Variants in GALNTL6 observed in about 807,000 individuals in gnomAD.
GALNTL6 encodes the protein polypeptide N-acetylgalactosaminyltransferase-like 6.
In GALNTL6, 46 loss-of-function variants were observed where a neutral mutation model predicts 73.7. The ratio of observed to expected loss-of-function variants is 0.62; its 90% CI spans 0.49 to 0.80. The LOEUF (loss-of-function observed/expected upper bound fraction) is 0.80. GALNTL6 is among the 30% of genes least tolerant of loss of function. The probability of loss-of-function intolerance (pLI) is 0.00; values close to 1 mark genes in which losing one functional copy is unlikely to be tolerated. For missense variants in GALNTL6, 604 were observed against 755.0 expected, an observed-to-expected ratio of 0.80 and a Z score of 2.34; for synonymous variants, 259 against 263.7, an observed-to-expected ratio of 0.98 and a Z score of 0.17.
At chr4:172,050,268 C>T (rs549513717) in intron 2 of GALNTL6, among the ~76,000 whole-genome samples, 1 of 152,232 alleles carries the variant, frequency 6.6e-6, no homozygotes, top group South Asian at 2.1e-4. Context: ...GCGGTTCAGG[C>T]TTTAGTCCCA....
At position 172,339,314 on chromosome 4, in the gene GALNTL6, C is replaced by CACACACACACAG. The variant is rs1254394266; in HGVS notation, c.387-9208_387-9207insCACACACACAGA. Reference sequence around the variant, plus strand: ...ACACACACACACACACACACACACACAGAGTTTCCAGGTCACCAAGTTGGT... The same window carrying CACACACACACAG: ...ACACACACACACACACACACACACACACACACACACAGAGAGTTTCCAGGTCACCAAGTTGGT... On this transcript the variant is annotated intron_variant, in intron 4 of 12. Coordinates refer to ENST00000506823, the MANE Select transcript of GALNTL6 (RefSeq NM_001034845.3). Among the ~76,000 whole-genome samples, 4 of 138,286 alleles carry CACACACACACAG rather than the reference C, an allele frequency of 2.9e-5. No homozygotes were observed. In the East Asian group the frequency reaches 8.5e-4, roughly 29 times the overall value. 90.7% of individuals were successfully genotyped at this position (138,286 alleles called of 152,430 possible). A position where few individuals can be genotyped will look rare whatever the true frequency, so the allele number is the denominator to read the frequency against.
At chr4:171,945,652 G>A (rs185251330) in intron 2 of GALNTL6, among the ~76,000 whole-genome samples, 1 of 151,964 alleles carries the variant, frequency 6.6e-6, no homozygotes, top group Non-Finnish European at 1.5e-5. Flanking sequence ...TAAAATAATA[G>A]CATGACATAC....
At position 172,753,903 on chromosome 4, in the gene GALNTL6, C is replaced by A. The variant is rs976494036; in HGVS notation, c.554-55458C>A. On this transcript the variant is annotated intron_variant, in intron 5 of 12. Transcript: ENST00000506823. ...AGGCCCTTAACTACAAAGATGCCCA[C>A]GAGCAGCTCTGCAGTGCTAATGAGA... Among the ~76,000 whole-genome samples the A allele has an allele frequency of 2.0e-5, 3 of 151,838 alleles. No individual in the cohort carries two copies. In the East Asian group the frequency reaches 5.8e-4, roughly 29 times the overall value.
chr4:172,102,987 A>G (rs115018937), intron 2 of GALNTL6, among the ~76,000 whole-genome samples: 5,103 of 152,260 alleles, frequency 0.034, 124 homozygotes, highest in Middle Eastern at 0.058. Flanking sequence ...CAGCAGAGGA[A>G]CCTGAAGAAG....
At chr4:171,854,958 C>T (rs554094394) in intron 2 of GALNTL6, among the ~76,000 whole-genome samples, 2 of 152,258 alleles carry the variant, frequency 1.3e-5, no homozygotes, top group East Asian at 1.9e-4. Flanking sequence ...CTAGCTGAGA[C>T]GACATCCTGG....
At chr4:172,377,138 A>T (rs1381028004) in intron 5 of GALNTL6, among the ~76,000 whole-genome samples, 1 of 152,074 alleles carries the variant, frequency 6.6e-6, no homozygotes, top group Admixed American at 6.6e-5. Context: ...CATCCTGTTG[A>T]TTGGTCCATT....
At chr4:172,730,010 T>G (rs1355288109) in intron 5 of GALNTL6, among the ~76,000 whole-genome samples, 2 of 152,164 alleles carry the variant, frequency 1.3e-5, no homozygotes, top group Non-Finnish European at 2.9e-5. Context: ...ATGGAATTAC[T>G]TTCATGATTT....
chr4:173,026,652 A>G (rs1753244728), intron 12 of GALNTL6, among the ~76,000 whole-genome samples: 1 of 152,128 alleles, frequency 6.6e-6, no homozygotes, highest in Admixed American at 6.5e-5. Context: ...GCCATTTTGG[A>G]TATCTTATTT....
intron 5 of GALNTL6, among the ~76,000 whole-genome samples, chr4:172,611,556 G>A (rs1293472412): frequency 6.6e-6 from 1 of 152,014 alleles, no homozygotes; most frequent in East Asian, 1.9e-4. Context: ...ACCTGTTGGA[G>A]TTTTCTTTGT....
chr4:172,704,260 G>T (rs1035741590), intron 5 of GALNTL6, among the ~76,000 whole-genome samples: 1 of 151,586 alleles, frequency 6.6e-6, no homozygotes, highest in African/African-American at 2.4e-5. Context: ...CGTTTTTCTA[G>T]TTTTTTGAGG....
In GALNTL6 at chr4:172,265,199, G is replaced by A. The variant is rs114359640; in HGVS notation, c.247+35435G>A. On this transcript the variant is annotated intron_variant, in intron 3 of 12. Transcript: ENST00000506823. ...CTAAGCTGGATTTCAAGGCGCAACC[G>A]TGAGTCTGGAATTGGTTATCAACAG... Among the ~76,000 whole-genome samples the A allele has an allele frequency of 4.9e-3, 752 of 152,106 alleles. 9 individuals carry two copies. Among genetic ancestry groups the A allele is most frequent in the African/African-American group, 0.017 (704 of 41,528 alleles).
chr4:172,579,443 A>G (rs1028065585), intron 5 of GALNTL6, among the ~76,000 whole-genome samples: 1 of 152,186 alleles, frequency 6.6e-6, no homozygotes, highest in Admixed American at 6.5e-5. Context: ...AGCCTTCCAC[A>G]TAGTAAGACT....
At chr4:172,727,300 C>T (rs924900130) in intron 5 of GALNTL6, among the ~76,000 whole-genome samples, 2 of 152,154 alleles carry the variant, frequency 1.3e-5, no homozygotes, top group Admixed American at 6.5e-5. Context: ...ATACTTTACA[C>T]CACACAACTT....
intron 2 of GALNTL6, among the ~76,000 whole-genome samples, chr4:171,901,354 G>A (rs1327385519): frequency 6.6e-6 from 1 of 152,166 alleles, no homozygotes; most frequent in African/African-American, 2.4e-5. Context: ...AAGGCCTTCT[G>A]AAGAACATAC....
intron 7 of GALNTL6, among the ~76,000 whole-genome samples, chr4:172,814,689 C>T (rs1741502455): frequency 6.6e-6 from 1 of 152,072 alleles, no homozygotes; most frequent in Non-Finnish European, 1.5e-5. Context: ...AAAGAAGCTA[C>T]TGAGTACGAA....
rs548927345 is a variant in GALNTL6, at chr4:172,202,365, G to A, written c.139-27291G>A. On this transcript the variant is annotated intron_variant, in intron 2 of 12. Coordinates refer to ENST00000506823, the MANE Select transcript of GALNTL6 (RefSeq NM_001034845.3). ...TAAAATTAAATTTTGTATTGGGTAA[G>A]TAAATAAATAAATAAAAGAATGAAA... 3.0e-4 allele frequency among the ~76,000 whole-genome samples: 45 copies of A among 152,154 alleles called. 1 individual carries two copies. In the South Asian group the frequency reaches 8.9e-3, roughly 30 times the overall value.
chr4:172,568,905 T>C (rs1189992119), intron 5 of GALNTL6, among the ~76,000 whole-genome samples: 1 of 152,036 alleles, frequency 6.6e-6, no homozygotes, highest in East Asian at 1.9e-4. Flanking sequence ...TTATGAGATC[T>C]TCTTGTGATT....
At chr4:171,854,341 A>C (rs892657974) in intron 2 of GALNTL6, among the ~76,000 whole-genome samples, 16 of 152,134 alleles carry the variant, frequency 1.1e-4, no homozygotes, top group African/African-American at 3.6e-4. Context: ...CCTCAAGGGG[A>C]TATAAGAATC....
chr4:172,004,891 G>GA (rs530087357), intron 2 of GALNTL6, among the ~76,000 whole-genome samples: 2,133 of 141,682 alleles, frequency 0.015, 42 homozygotes, highest in African/African-American at 0.047. Flanking sequence ...GTATTTTCTT[G>GA]AAAAAAAAAA....
Sources: gnomAD v4.1 joint callset for allele counts (sites outside exome capture counted in the v4.1 genomes callset) on GRCh38, gnomAD v4.1.1 for gene constraint, MANE v1.5 for transcripts, NCBI Gene and HGNC (gene_info 2026-07-23, HGNC 2026-07-21) for gene names.